AP1S1: variants seen among roughly 807,000 people sequenced by gnomAD.
AP1S1 encodes AP-1 complex subunit sigma-1A.
A neutral mutation model predicts 23.9 loss-of-function variants in AP1S1; 13 were observed. The ratio of observed to expected loss-of-function variants is 0.54; its 90% CI spans 0.35 to 0.86. The LOEUF (loss-of-function observed/expected upper bound fraction) is 0.86. Ranked by LOEUF, AP1S1 falls within the 40% of genes least tolerant of loss-of-function variation. The pLI is 0.01. For synonymous variants in AP1S1, 84 were observed against 77.7 expected, an observed-to-expected ratio of 1.08 and a Z score of -0.43; for missense variants, 119 against 197.6, an observed-to-expected ratio of 0.60 and a Z score of 2.38.
At chr7:101,158,933 A>G in intron 3 of AP1S1, 126 bp from the exon 4 acceptor site, 2 of 1,303,972 alleles carry the variant, frequency 1.5e-6, no homozygotes, top group East Asian at 4.8e-5. Flanking sequence ...AAAAAACTGA[A>G]AAAGCTGACC....
In AP1S1 at chr7:101,160,739, C is replaced by G. The variant is rs748811118; in HGVS notation, c.*173C>G. On this transcript the variant is annotated 3_prime_UTR_variant, in exon 5 of 5. Transcript: ENST00000337619. ...CTTCAAACATTCCCTCCCTCCACCC[C>G]CTACCTCCACTTTCCCCTTTTCCCA... 8 of 785,132 alleles carry G rather than the reference C, an allele frequency of 1.0e-5. No individual in the cohort carries two copies. The highest frequency in any genetic ancestry group is 5.1e-5 in the African/African-American group (3 of 59,000). The allele number at this position is 785,132 out of a possible 1,614,324, so 48.6% of individuals were successfully genotyped here.
At chr7:101,154,668 T>C (rs1019820235) in intron 1 of AP1S1, 151 bp downstream of exon 1, 77 of 705,942 alleles carry the variant, frequency 1.1e-4, no homozygotes, top group Admixed American at 3.0e-4. Flanking sequence ...CGAGCCGGGC[T>C]CGGGAGGAAG....
chr7:101,156,589 C>A lies in AP1S1; in HGVS notation c.4-5C>A, dbSNP rs749720088. ...CCCTCGGTTCTGCCCTCCCATCCCC[C>A]ACAGATGCGGTTCATGCTATTATTC... is the stretch of plus-strand genomic sequence containing the variant. On this transcript the variant is annotated splice_polypyrimidine_tract_variant and splice_region_variant and intron_variant, in intron 1 of 4. Transcript: ENST00000337619. The A allele has an allele frequency of 7.5e-6, 12 of 1,609,868 alleles. No homozygotes were observed. In the Admixed American group the frequency reaches 1.0e-4, roughly 14 times the overall value.
chr7:101,159,328 A>G, intron 4 of AP1S1, 132 bp downstream of exon 4: 1 of 1,297,762 alleles, frequency 7.7e-7, no homozygotes, highest in Non-Finnish European at 1.0e-6. Context: ...TCTGACCCCC[A>G]CCACGCCCAG....
In AP1S1 at chr7:101,160,698, G is replaced by A. The variant is rs1167109371; in HGVS notation, c.*132G>A. 1 of 1,082,988 alleles carries A rather than the reference G, an allele frequency of 9.2e-7. No individual in the cohort carries two copies. Among genetic ancestry groups the A allele is most frequent in the Non-Finnish European group, 1.4e-6 (1 of 723,392 alleles). 67.1% of individuals were successfully genotyped at this position (1,082,988 alleles called of 1,614,324 possible). ...TCTGCTGCCTCACCTTTCGGAGTGA[G>A]CTGTGGGCTCAGGCCCTTCAAACAT... On this transcript the variant is annotated 3_prime_UTR_variant, in exon 5 of 5. Transcript: ENST00000337619.
At position 101,156,606 on chromosome 7, in the gene AP1S1, C is replaced by T. The variant is rs189658039; in HGVS notation, c.16C>T (p.Leu6=). Residue 6 remains leucine, a synonymous_variant, in exon 2 of 5, where the codon CTA becomes TTA. Transcript: ENST00000337619. ...CCATCCCCCACAGATGCGGTTCATG[C>T]TATTATTCAGCCGGCAGGGAAAACT... MMRFM[L]LFSRQGKLRL... 165 of 1,611,992 alleles carry T rather than the reference C, an allele frequency of 1.0e-4. 1 individual carries two copies. In the African/African-American group the frequency reaches 1.9e-3, roughly 18 times the overall value.
intron 3 of AP1S1, among the ~76,000 whole-genome samples, chr7:101,158,505 G>A (rs1437631898): frequency 6.6e-6 from 1 of 152,158 alleles, no homozygotes; most frequent in Non-Finnish European, 1.5e-5. Context: ...TGGGAAGAAC[G>A]TCACAGATTT....
chr7:101,154,983 C>T lies in AP1S1; in HGVS notation c.3+466C>T, dbSNP rs1214072477. On this transcript the variant is annotated intron_variant, in intron 1 of 4. Transcript: ENST00000337619. ...GGAGTTTCCGGGTCGGAAAAGGGAG[C>T]GCCCTACTGCGTTCGTGGCCGTGCT... is the stretch of plus-strand genomic sequence containing the variant. 13 of 1,010,842 alleles carry T rather than the reference C, an allele frequency of 1.3e-5. No homozygotes were observed. In the East Asian group the frequency reaches 8.1e-4, roughly 63 times the overall value. The allele number at this position is 1,010,842 out of a possible 1,614,324, so 62.6% of individuals were successfully genotyped here.
At chr7:101,155,130 A>G in intron 1 of AP1S1, 2 of 720,838 alleles carry the variant, frequency 2.8e-6, no homozygotes, top group Non-Finnish European at 3.4e-6. Flanking sequence ...TCTTTCCGGA[A>G]TCCAGGCCTT....
At position 101,154,476 on chromosome 7, in the gene AP1S1, G is replaced by C; in HGVS notation, c.-39G>C. 1.9e-6 allele frequency: 3 copies of C among 1,568,024 alleles called. No homozygotes were observed. Among genetic ancestry groups the C allele is most frequent in the Non-Finnish European group, 2.6e-6 (3 of 1,157,186 alleles). The stretch of plus-strand genomic sequence containing the variant: ...GAAAGGGAGTGGGACTGGCGCCTAC[G>C]GTGGCCGAAGTGGGACGCGCCGAGC... On this transcript the variant is annotated 5_prime_UTR_variant, in exon 1 of 5. Coordinates refer to ENST00000337619, the MANE Select transcript of AP1S1 (RefSeq NM_001283.5).
Sources: allele counts gnomAD v4.1 joint callset (sites outside exome capture counted in the v4.1 genomes callset), GRCh38; gene constraint gnomAD v4.1.1; transcripts MANE v1.5; gene names NCBI Gene and HGNC (gene_info 2026-07-23, HGNC 2026-07-21).